SDK1: variants seen among roughly 807,000 people sequenced by gnomAD.
SDK1 encodes the protein sidekick cell adhesion molecule 1.
Under a neutral mutation model 245.5 loss-of-function variants are expected in SDK1, and 157 were observed. That is an observed-to-expected ratio of 0.64 (90% confidence interval 0.56 to 0.73). SDK1 has a LOEUF of 0.73. Ranked by LOEUF, SDK1 falls within the 30% of genes least tolerant of loss-of-function variation. The pLI, the probability that SDK1 is intolerant of heterozygous loss-of-function variation, is 0.00. For synonymous variants in SDK1, 1,647 were observed against 1,278.5 expected (o/e 1.29, Z -6.15); for missense variants, 3,583 against 3,002.3 (o/e 1.19, Z -4.52).
chr7:4,178,325 C>A (rs1251500878), intron 34 of SDK1, among the ~76,000 whole-genome samples, 160 bp from the exon 35 acceptor site: 3 of 152,092 alleles, frequency 2.0e-5, no homozygotes, highest in African/African-American at 7.2e-5. Flanking sequence ...AAGGAGGGTG[C>A]CCCGGTCACA....
chr7:3,410,105 A>G (rs1779160011), intron 1 of SDK1, among the ~76,000 whole-genome samples: 1 of 152,180 alleles, frequency 6.6e-6, no homozygotes, highest in Non-Finnish European at 1.5e-5. Context: ...CATAATAAGT[A>G]ATACTTAAGT....
intron 22 of SDK1, among the ~76,000 whole-genome samples, chr7:4,084,499 CA>C (rs1431543225): frequency 6.6e-6 from 1 of 152,150 alleles, no homozygotes; most frequent in East Asian, 1.9e-4. Context: ...TCATGAGTGT[CA>C]AATGCTGTTT....
chr7:3,931,577 T>A (rs962969576), intron 5 of SDK1, among the ~76,000 whole-genome samples: 2 of 152,176 alleles, frequency 1.3e-5, no homozygotes, highest in African/African-American at 4.8e-5. Flanking sequence ...CGGGAAATCC[T>A]TGCTTTCTAT....
intron 1 of SDK1, among the ~76,000 whole-genome samples, chr7:3,480,189 A>C (rs1427416449): frequency 2.8e-4 from 42 of 152,238 alleles, no homozygotes. Context: ...TGAAAGAAGT[A>C]GGCAGAAGAA....
intron 1 of SDK1, among the ~76,000 whole-genome samples, chr7:3,368,551 G>C (rs1225204885): frequency 1.3e-5 from 2 of 152,194 alleles, no homozygotes; most frequent in African/African-American, 2.4e-5. Context: ...TTTGGATCAC[G>C]GGATGGTGGG....
intron 34 of SDK1, among the ~76,000 whole-genome samples, chr7:4,177,052 C>T (rs930490284): frequency 3.3e-5 from 5 of 152,082 alleles, no homozygotes; most frequent in Non-Finnish European, 5.9e-5. Flanking sequence ...TGGCCCTCCC[C>T]GAGCCTATGT....
chr7:3,801,970 A>G (rs1779117621), intron 4 of SDK1, among the ~76,000 whole-genome samples: 1 of 152,180 alleles, frequency 6.6e-6, no homozygotes, highest in Non-Finnish European at 1.5e-5. Context: ...TCATGGATTG[A>G]GTAGGGGTAT....
chr7:3,621,503 G>T (rs149188934), intron 2 of SDK1, among the ~76,000 whole-genome samples: 3 of 152,228 alleles, frequency 2.0e-5, no homozygotes, highest in Non-Finnish European at 4.4e-5. Context: ...GCATGATGTG[G>T]ACAGTGTGTG....
chr7:3,743,908 A>G (rs1779544105), intron 4 of SDK1, among the ~76,000 whole-genome samples: 2 of 152,188 alleles, frequency 1.3e-5, no homozygotes, highest in South Asian at 2.1e-4. Context: ...ATGTGCTGAC[A>G]TCATGTAGCC....
chr7:3,505,797 C>G (rs989285841), intron 1 of SDK1, among the ~76,000 whole-genome samples: 1 of 152,100 alleles, frequency 6.6e-6, no homozygotes, highest in Non-Finnish European at 1.5e-5. Context: ...TATGCACATT[C>G]TGCAGGGACA....
intron 4 of SDK1, among the ~76,000 whole-genome samples, chr7:3,687,567 G>A (rs566010755): frequency 2.0e-5 from 3 of 152,262 alleles, no homozygotes; most frequent in South Asian, 2.1e-4. Flanking sequence ...CGATGCACAC[G>A]GCAACTTGGA....
intron 5 of SDK1, among the ~76,000 whole-genome samples, chr7:3,824,523 T>A (rs1001164224): frequency 7.9e-5 from 12 of 152,334 alleles, no homozygotes; most frequent in African/African-American, 2.9e-4. Flanking sequence ...GCCTCTTGTT[T>A]GCTGTTGTGG....
chr7:3,615,417 G>T (rs1781735309), intron 1 of SDK1, among the ~76,000 whole-genome samples: 1 of 151,698 alleles, frequency 6.6e-6, no homozygotes, highest in East Asian at 1.9e-4. Flanking sequence ...CATGTCAGTT[G>T]CAGCAGAAGC....
intron 16 of SDK1, among the ~76,000 whole-genome samples, chr7:4,016,877 C>G (rs908709209): frequency 6.6e-6 from 1 of 152,150 alleles, no homozygotes; most frequent in African/African-American, 2.4e-5. Flanking sequence ...ATTTTTCGTC[C>G]TAAGTCACTG....
chr7:3,805,483 T>C (rs968976359), intron 4 of SDK1, among the ~76,000 whole-genome samples: 5 of 152,254 alleles, frequency 3.3e-5, no homozygotes, highest in African/African-American at 9.6e-5. Flanking sequence ...TAAGATGTTC[T>C]GGGTTCCTCT....
At chr7:3,546,662 C>T (rs574950218) in intron 1 of SDK1, among the ~76,000 whole-genome samples, 5 of 152,182 alleles carry the variant, frequency 3.3e-5, no homozygotes, top group Admixed American at 6.5e-5. Context: ...CCAGGGGGGA[C>T]GTCTCCCAAA....
At chr7:3,552,793 C>T (rs889002972) in intron 1 of SDK1, among the ~76,000 whole-genome samples, 3 of 152,202 alleles carry the variant, frequency 2.0e-5, no homozygotes, top group African/African-American at 7.2e-5. Context: ...AAAGCAGCAG[C>T]AGTTAAATGC....
At chr7:4,077,474 A>G (rs1450052507) in intron 21 of SDK1, among the ~76,000 whole-genome samples, 2 of 152,200 alleles carry the variant, frequency 1.3e-5, no homozygotes, top group South Asian at 2.1e-4. Flanking sequence ...TTCCCAATGC[A>G]TATCTAAAAT....
At chr7:4,211,817 G>A (rs1366983434) in intron 38 of SDK1, among the ~76,000 whole-genome samples, 2 of 152,140 alleles carry the variant, frequency 1.3e-5, no homozygotes, top group Non-Finnish European at 2.9e-5. Flanking sequence ...CACCATGTTA[G>A]CCAGGATGGT....
Sources: gnomAD v4.1 joint callset for allele counts (sites outside exome capture counted in the v4.1 genomes callset) on GRCh38, gnomAD v4.1.1 for gene constraint, MANE v1.5 for transcripts, NCBI Gene and HGNC (gene_info 2026-07-23, HGNC 2026-07-21) for gene names.